Variants in ZBED4 observed in about 807,000 individuals in gnomAD.
ZBED4 encodes the protein zinc finger BED-type containing 4.
ZBED4 carries 4 observed loss-of-function variants against 15.5 expected under a neutral mutation model. That is an observed-to-expected ratio of 0.26 (90% CI 0.13 to 0.59). The LOEUF (loss-of-function observed/expected upper bound fraction) is 0.59. ZBED4 is among the 20% of genes least tolerant of loss of function. The probability of loss-of-function intolerance (pLI) is 0.90; values close to 1 mark genes in which losing one functional copy is unlikely to be tolerated. For synonymous variants in ZBED4, 692 were observed against 608.5 expected (o/e 1.14, Z -2.02); for missense variants, 1,323 against 1,461.8 (o/e 0.91, Z 1.55).
Position 49,887,303 on chromosome 22 carries a change from C to G in ZBED4, c.*125C>G. 1 of 1,023,356 alleles carries G rather than the reference C, an allele frequency of 9.8e-7. No homozygotes were observed. Among genetic ancestry groups the G allele is most frequent in the Non-Finnish European group, 1.4e-6 (1 of 704,158 alleles). The allele number at this position is 1,023,356 out of a possible 1,614,324, so 63.4% of individuals were successfully genotyped here. On this transcript the variant is annotated 3_prime_UTR_variant, in exon 2 of 2. Transcript: ENST00000216268. ...CAGACCAGGCACTCTCAGGGCCGCT[C>G]TCCAGCTCACCACAGTGTCTCCACG... is the stretch of plus-strand genomic sequence containing the variant.
Position 49,886,256 on chromosome 22 carries a change from A to G in ZBED4, c.2594A>G (p.Lys865Arg), listed in dbSNP as rs2060438284. 4 of 1,211,602 alleles carry G rather than the reference A, an allele frequency of 3.3e-6. No individual in the cohort carries two copies. The highest frequency in any genetic ancestry group is 2.3e-5 in the East Asian group (1 of 42,582). 75.1% of individuals were successfully genotyped at this position (1,211,602 alleles called of 1,614,324 possible). A position where few individuals can be genotyped will look rare whatever the true frequency, so the allele number is the denominator to read the frequency against. The stretch of plus-strand genomic sequence containing the variant: ...TGCGAGCGGGTGCACCGGTCGCCCA[A>G]GGCGAAGGAGAAACTGGCCGAGCTG... ...KICERVHRSP[K>R]AKEKLAELQR... The change falls in exon 2 of 2, where the codon AAG (lysine) becomes AGG (arginine). Residue 865 changes from lysine (K) to arginine (R), a missense_variant. This residue lies in a region of ZBED4 where 100 missense variants were observed against 79.3 expected (regional missense o/e 1.26). Coordinates refer to ENST00000216268, the MANE Select transcript of ZBED4 (RefSeq NM_014838.3). The surrounding 1 kb of genome is among the most constrained non-coding windows in gnomAD (Gnocchi z 7.7).
At chr22:49,880,862 T>G (rs914783214) in intron 1 of ZBED4, among the ~76,000 whole-genome samples, 12 of 152,192 alleles carry the variant, frequency 7.9e-5, no homozygotes, top group African/African-American at 2.9e-4. Context: ...ATCCATGAAC[T>G]TGGTATATTT....
rs1383845578 is a variant in ZBED4 at position 49,887,350 on chromosome 22, G to A, written c.*172G>A. The A allele has an allele frequency of 1.0e-5, 6 of 587,868 alleles. No homozygotes were observed. Among genetic ancestry groups the A allele is most frequent in the Non-Finnish European group, 1.7e-5 (6 of 352,066 alleles). 36.4% of individuals were successfully genotyped at this position (587,868 alleles called of 1,614,324 possible). On this transcript the variant is annotated 3_prime_UTR_variant, in exon 2 of 2. Transcript: ENST00000216268. ...CACGTGCCTTACCCCTTCTCCTTCA[G>A]GCCAAGTTTCGCGGGGTGTTTTATT... is the stretch of plus-strand genomic sequence containing the variant.
Position 49,860,366 on chromosome 22 carries a change from TTA to T in ZBED4, c.-330+6381_-330+6382del, listed in dbSNP as rs1326699704. 3.9e-5 allele frequency among the ~76,000 whole-genome samples: 6 copies of T among 152,334 alleles called. No homozygotes were observed. The East Asian group carries it at 1.2e-3, about 29-fold the overall frequency. On this transcript the variant is annotated intron_variant, in intron 1 of 1. Transcript: ENST00000216268. ...TTACTTAATTTCTTTGATTCTTAAA[TTA>T]TATGTTATTCTGAAAAATCTTAATA...
chr22:49,885,878 A>G lies in ZBED4; in HGVS notation c.2216A>G (p.Gln739Arg). The change falls in exon 2 of 2, where the codon CAG (glutamine) becomes CGG (arginine). Residue 739 changes from glutamine (Q) to arginine (R), a missense_variant. Coordinates refer to ENST00000216268, the MANE Select transcript of ZBED4 (RefSeq NM_014838.3). ...HFTSGIWMSN[Q>R]TREYLTLTAH... Reference sequence around the variant, plus strand: ...ACGTCTGGAATATGGATGAGTAACCAGACCCGTGAGTACCTGACCCTCACG... The same window carrying G: ...ACGTCTGGAATATGGATGAGTAACCGGACCCGTGAGTACCTGACCCTCACG... 8.0e-7 allele frequency: 1 copy of G among 1,251,588 alleles called. No individual in the cohort carries two copies. The highest frequency in any genetic ancestry group is 1.2e-6 in the Non-Finnish European group (1 of 854,896). The allele number at this position is 1,251,588 out of a possible 1,614,324, so 77.5% of individuals were successfully genotyped here.
rs192487351 is a variant in ZBED4 at position 49,878,120 on chromosome 22, C to T, written c.-329-5214C>T. Among the ~76,000 whole-genome samples, 27 of 152,134 alleles carry T rather than the reference C, an allele frequency of 1.8e-4. 2 individuals are homozygous for T. Among genetic ancestry groups the T allele is most frequent in the Admixed American group, 7.2e-4 (11 of 15,290 alleles). Reference sequence around the variant, plus strand: ...AGGAATTCAAGACAATCCTGGCCAACGTGGTGAAACACCGTCTCTACTAAA... The same window carrying T: ...AGGAATTCAAGACAATCCTGGCCAATGTGGTGAAACACCGTCTCTACTAAA... On this transcript the variant is annotated intron_variant, in intron 1 of 1. Transcript: ENST00000216268.
rs1455722211 is a variant in ZBED4, at chr22:49,885,018, G to T, written c.1356G>T (p.Lys452Asn). Residue 452 changes from lysine (K) to asparagine (N), a missense_variant, in exon 2 of 2, where the codon AAG becomes AAT. Physicochemically the swap from Lys to Asn is moderately conservative, Grantham distance 94 (BLOSUM62 0). Around this residue, in one of 6 missense-constraint regions of ZBED4, gnomAD observed 429 missense variants for 397.9 expected, o/e 1.08. Coordinates refer to ENST00000216268, the MANE Select transcript of ZBED4 (RefSeq NM_014838.3). Reference protein sequence around the residue: ...ESGAIFQQNKKVMKRLKSEVW... With the variant: ...ESGAIFQQNKNVMKRLKSEVW... Reference sequence around the variant, plus strand: ...GCGCCATCTTCCAGCAGAATAAAAAGGTCATGAAAAGACTGAAGTCGGAGG... The same window carrying T: ...GCGCCATCTTCCAGCAGAATAAAAATGTCATGAAAAGACTGAAGTCGGAGG... 1.9e-6 allele frequency: 3 copies of T among 1,612,994 alleles called. No homozygotes were observed. Among genetic ancestry groups the T allele is most frequent in the Non-Finnish European group, 2.5e-6 (3 of 1,179,468 alleles).
chr22:49,854,691 C>G (rs1045245732), intron 1 of ZBED4, among the ~76,000 whole-genome samples: 1 of 152,176 alleles, frequency 6.6e-6, no homozygotes, highest in African/African-American at 2.4e-5. Context: ...CCTCGGGCTC[C>G]CTTCTGCGCC....
chr22:49,884,196 C>G lies in ZBED4; in HGVS notation c.534C>G (p.Ala178=), dbSNP rs144068518. 3 of 1,607,680 alleles carry G rather than the reference C, an allele frequency of 1.9e-6. No homozygotes were observed. In the South Asian group the frequency reaches 3.3e-5, roughly 18 times the overall value. Residue 178 remains alanine, a synonymous_variant, in exon 2 of 2, where the codon GCC becomes GCG. Coordinates refer to ENST00000216268, the MANE Select transcript of ZBED4 (RefSeq NM_014838.3). ...VLIQENGSVS[A]VSSFPSPSLL... Reference sequence around the variant, plus strand: ...TTCAGGAAAATGGCAGTGTGTCTGCCGTGTCCTCGTTCCCCTCTCCCTCAC... The same window carrying G: ...TTCAGGAAAATGGCAGTGTGTCTGCGGTGTCCTCGTTCCCCTCTCCCTCAC...
rs1181114120 is a variant in ZBED4, at chr22:49,888,428, CTTA to C, written c.*1253_*1255del. ...GAACTCAGTTTCTGAAATTAAACTT[CTTA>C]TTTGCAATTTTCTAGTGCTGGCAGA... On this transcript the variant is annotated 3_prime_UTR_variant, in exon 2 of 2. Coordinates refer to ENST00000216268, the MANE Select transcript of ZBED4 (RefSeq NM_014838.3). 1 of 167,156 alleles carries C rather than the reference CTTA, an allele frequency of 6.0e-6. No homozygotes were observed. Among genetic ancestry groups the C allele is most frequent in the Non-Finnish European group, 1.5e-5 (1 of 68,116 alleles). 10.4% of individuals were successfully genotyped at this position (167,156 alleles called of 1,614,324 possible).
At chr22:49,876,839 A>G (rs1307047158) in intron 1 of ZBED4, among the ~76,000 whole-genome samples, 1 of 152,192 alleles carries the variant, frequency 6.6e-6, no homozygotes, top group Non-Finnish European at 1.5e-5. Context: ...AAAATATAGG[A>G]ATTCTCAGTT....
chr22:49,864,810 A>C, intron 1 of ZBED4, among the ~76,000 whole-genome samples: 3 of 91,048 alleles, frequency 3.3e-5, no homozygotes, highest in Admixed American at 1.6e-4. Context: ...CCAGAGTGAG[A>C]CCCTGTCTCC....
chr22:49,886,676 C>G lies in ZBED4; in HGVS notation c.3014C>G (p.Ala1005Gly). Residue 1005 changes from alanine (A) to glycine (G), a missense_variant, in exon 2 of 2, where the codon GCC becomes GGC. Coordinates refer to ENST00000216268, the MANE Select transcript of ZBED4 (RefSeq NM_014838.3). This position sits in a 1 kb window ranked among gnomAD's most constrained non-coding sequence, Gnocchi z 7.7. ...CTCCACGACCCGCGGTACGTCTTCG[C>G]CACGCTGCTGGATCCTCGCTACAAG... ...ATLHDPRYVFATLLDPRYKAS... is the reference protein window; with the variant it reads ...ATLHDPRYVFGTLLDPRYKAS... The G allele has an allele frequency of 6.2e-7, 1 of 1,611,834 alleles. No individual in the cohort carries two copies. The highest frequency in any genetic ancestry group is 8.5e-7 in the Non-Finnish European group (1 of 1,179,080).
chr22:49,884,504 C>A lies in ZBED4; in HGVS notation c.842C>A (p.Thr281Asn), dbSNP rs1387794193. Reference sequence around the variant, plus strand: ...AAGAGCCTTCCACTTCCAAAGAGCACCTCTGGGTCCAGGAGAAGGTCCGCT... The same window carrying A: ...AAGAGCCTTCCACTTCCAAAGAGCAACTCTGGGTCCAGGAGAAGGTCCGCT... The part of the protein sequence containing the change: ...AEKSLPLPKS[T>N]SGSRRRSAVW... The change falls in exon 2 of 2, where the codon ACC becomes AAC. Residue 281 changes from threonine to asparagine, a missense_variant. Physicochemically the swap from Thr to Asn is moderately conservative, Grantham distance 65 (BLOSUM62 0). Transcript: ENST00000216268. The A allele has an allele frequency of 6.2e-7, 1 of 1,614,086 alleles. No individual in the cohort carries two copies. Among genetic ancestry groups the A allele is most frequent in the Admixed American group, 1.7e-5 (1 of 60,006 alleles).
chr22:49,884,862 C>T lies in ZBED4; in HGVS notation c.1200C>T (p.His400=), dbSNP rs201032978. The T allele has an allele frequency of 5.0e-5, 80 of 1,609,060 alleles. No individual in the cohort carries two copies. The East Asian group carries it at 1.7e-3, about 35-fold the overall frequency. ...GGCTGACTGAGGACTTGCAGTCTCA[C>T]TTGAACCCTGGAGATGGGCTGATGG... is the stretch of plus-strand genomic sequence containing the variant. ...PDRLTEDLQS[H]LNPGDGLMED... The change falls in exon 2 of 2, where the codon CAC becomes CAT. Residue 400 remains histidine (H), a synonymous_variant. Transcript: ENST00000216268.
Position 49,886,815 on chromosome 22 carries a change from T to C in ZBED4, c.3153T>C (p.Ala1051=), listed in dbSNP as rs144263787. Residue 1051 remains alanine, a synonymous_variant, in exon 2 of 2, where the codon GCT becomes GCC. Coordinates refer to ENST00000216268, the MANE Select transcript of ZBED4 (RefSeq NM_014838.3). The surrounding 1 kb of genome is among the most constrained non-coding windows in gnomAD (Gnocchi z 7.7). ...EDVAASHRCD[A]GSPSKDSAAE... is the part of the protein sequence containing the mutation. ...TGGCTGCCTCCCACAGGTGTGATGC[T>C]GGCTCCCCGTCGAAAGACTCTGCCG... is the stretch of plus-strand genomic sequence containing the variant. The C allele has an allele frequency of 2.5e-5, 40 of 1,613,572 alleles. No homozygotes were observed. The African/African-American group carries it at 4.9e-4, about 20-fold the overall frequency.
intron 1 of ZBED4, among the ~76,000 whole-genome samples, chr22:49,872,762 T>C (rs1601792752): frequency 2.0e-5 from 3 of 151,618 alleles, no homozygotes; most frequent in Admixed American, 2.0e-4. Context: ...TGGAGTGCAG[T>C]GACGTGATCG....
intron 1 of ZBED4, among the ~76,000 whole-genome samples, chr22:49,858,211 G>T (rs2060282556): frequency 6.6e-6 from 1 of 152,216 alleles, no homozygotes; most frequent in Non-Finnish European, 1.5e-5. Context: ...CCCCTTCTCA[G>T]TTTAGCCCAG....
intron 1 of ZBED4, among the ~76,000 whole-genome samples, chr22:49,855,421 AG>A (rs2060271007): frequency 6.6e-6 from 1 of 152,146 alleles, no homozygotes; most frequent in Non-Finnish European, 1.5e-5. Flanking sequence ...CTGCTCTTTA[AG>A]GTTACCTCCT....
Sources: gnomAD v4.1 joint callset for allele counts (sites outside exome capture counted in the v4.1 genomes callset) on GRCh38, gnomAD v4.1.1 for gene constraint, gnomAD v4.1.1 regional missense constraint, Gnocchi (gnomAD v3.1) non-coding constraint, MANE v1.5 for transcripts, NCBI Gene and HGNC (gene_info 2026-07-23, HGNC 2026-07-21) for gene names.